The following PYGL variants were observed in gnomAD, a reference collection of about 807,000 sequenced individuals.
The protein encoded by PYGL is glycogen phosphorylase L, also known as glycogen phosphorylase, liver form.
A neutral mutation model predicts 100.1 loss-of-function variants in PYGL; 90 were observed. The ratio of observed to expected loss-of-function variants is 0.90; its 90% CI spans 0.76 to 1.07. PYGL has a LOEUF of 1.07. PYGL is among the 50% of genes least tolerant of loss of function. The pLI is 0.00. For synonymous variants in PYGL, 373 were observed against 393.0 expected (o/e 0.95, Z 0.60); for missense variants, 1,016 against 1,057.6 (o/e 0.96, Z 0.55).
chr14:50,944,353 G>C lies in PYGL; in HGVS notation c.51C>G (p.Arg17=). The C allele has an allele frequency of 6.2e-7, 1 of 1,613,702 alleles. No individual in the cohort carries two copies. Among genetic ancestry groups the C allele is most frequent in the Non-Finnish European group, 8.5e-7 (1 of 1,179,836 alleles). ...CCACGTTCTCCACGCCCACGATGCC[G>C]CGGATGCTGATCTGCCGCCGCTTCT... The part of the protein sequence containing the change: ...DQEKRRQISI[R]GIVGVENVAE... The change falls in exon 1 of 20, where the codon CGC becomes CGG. Residue 17 remains arginine, a synonymous_variant. Coordinates refer to ENST00000216392, the MANE Select transcript of PYGL (RefSeq NM_002863.5).
intron 3 of PYGL, 109 bp from the exon 4 acceptor site, chr14:50,931,885 C>G: frequency 1.2e-6 from 1 of 845,522 alleles, no homozygotes; most frequent in Non-Finnish European, 2.0e-6. Flanking sequence ...TATGAAGAAC[C>G]ACATTTGTAT....
intron 18 of PYGL, 80 bp from the exon 19 acceptor site, chr14:50,908,417 C>T: frequency 7.7e-7 from 1 of 1,305,950 alleles, no homozygotes; most frequent in Non-Finnish European, 1.1e-6. Flanking sequence ...CATGTAAAAT[C>T]ATCTTTTGCT....
rs1430936667 is a variant in PYGL at position 50,912,242 on chromosome 14, G to T, written c.1682C>A (p.Ser561Tyr). The change falls in exon 14 of 20, where the codon TCC becomes TAC. Residue 561 changes from serine (S) to tyrosine (Y), a missense_variant. Coordinates refer to ENST00000216392, the MANE Select transcript of PYGL (RefSeq NM_002863.5). The part of the protein sequence containing the change: ...ETEYKVKINP[S>Y]SMFDVQVKRI... The stretch of plus-strand genomic sequence containing the variant: ...CTTCACCTGGACATCAAACATGGAG[G>T]ATGGGTTGATCTTCACTTTGTACTC... The T allele has an allele frequency of 2.5e-6, 4 of 1,614,000 alleles. No homozygotes were observed. The highest frequency in any genetic ancestry group is 3.4e-6 in the Non-Finnish European group (4 of 1,179,860).
chr14:50,908,559 A>C (rs1021153295), intron 18 of PYGL, among the ~76,000 whole-genome samples: 1 of 152,202 alleles, frequency 6.6e-6, no homozygotes, highest in Non-Finnish European at 1.5e-5. Flanking sequence ...TGGGAATATC[A>C]GTGGAAGGAG....
chr14:50,944,028 C>A, intron 1 of PYGL, 133 bp downstream of exon 1: 1 of 1,238,940 alleles, frequency 8.1e-7, no homozygotes, highest in South Asian at 1.4e-5. Flanking sequence ...CTAGACACGT[C>A]TCCTCTGGAC....
At chr14:50,940,323 T>G (rs906562239) in intron 1 of PYGL, among the ~76,000 whole-genome samples, 3 of 152,254 alleles carry the variant, frequency 2.0e-5, no homozygotes, top group Admixed American at 6.5e-5. Flanking sequence ...ATAGTATATA[T>G]TCCACACTTG....
intron 1 of PYGL, among the ~76,000 whole-genome samples, chr14:50,939,342 T>C (rs908484859): frequency 6.6e-6 from 1 of 152,238 alleles, no homozygotes; most frequent in African/African-American, 2.4e-5. Flanking sequence ...GGCCTACAAT[T>C]AATTTTAGAA....
chr14:50,921,162 C>T (rs2050497527), intron 5 of PYGL, 95 bp from the exon 6 acceptor site: 6 of 978,916 alleles, frequency 6.1e-6, no homozygotes, highest in East Asian at 4.9e-5. Context: ...AATTCTATTC[C>T]TGGCTCCATT....
chr14:50,912,533 G>A, intron 13 of PYGL: 1 of 553,672 alleles, frequency 1.8e-6, no homozygotes, highest in South Asian at 2.0e-5. Context: ...AGTAGAGACG[G>A]GGTTTCATCA....
At chr14:50,912,369 T>C in intron 13 of PYGL, 66 bp from the exon 14 acceptor site, 1 of 1,559,016 alleles carries the variant, frequency 6.4e-7, no homozygotes, top group South Asian at 1.1e-5. Context: ...CTGGTTTTTC[T>C]TTTTTTTGAG....
At chr14:50,924,278 A>G (rs1258708885) in intron 4 of PYGL, among the ~76,000 whole-genome samples, 178 bp from the exon 5 acceptor site, 1 of 152,228 alleles carries the variant, frequency 6.6e-6, no homozygotes, top group Non-Finnish European at 1.5e-5. Context: ...ATACAGCTCT[A>G]AATATTTTAT....
chr14:50,943,516 C>A (rs1029838682), intron 1 of PYGL, among the ~76,000 whole-genome samples: 1 of 152,212 alleles, frequency 6.6e-6, no homozygotes, highest in African/African-American at 2.4e-5. Context: ...GAGTCCAGGG[C>A]ATTGCCTGGC....
chr14:50,913,538 AT>A (rs997046370), intron 12 of PYGL, among the ~76,000 whole-genome samples: 3 of 149,596 alleles, frequency 2.0e-5, no homozygotes. Context: ...CGCCTGGCTA[AT>A]TTTTTTTTGT....
At position 50,944,267 on chromosome 14, in the gene PYGL, A is replaced by G; in HGVS notation, c.137T>C (p.Val46Ala). ...GAAGTAGTAGTCGCGGGTGGTGGCC[A>G]CGTTGCGGTCCTTGACCAGCGTGAA... ...LHFTLVKDRN[V>A]ATTRDYYFAL... The change falls in exon 1 of 20, where the codon GTG becomes GCG. Residue 46 changes from valine (V) to alanine (A), a missense_variant. By Grantham distance (64) the Val-to-Ala change is moderately conservative (BLOSUM62 0). Coordinates refer to ENST00000216392, the MANE Select transcript of PYGL (RefSeq NM_002863.5). The G allele has an allele frequency of 6.2e-7, 1 of 1,613,938 alleles. No individual in the cohort carries two copies. Among genetic ancestry groups the G allele is most frequent in the African/African-American group, 1.3e-5 (1 of 75,058 alleles).
rs191011058 is a variant in PYGL at position 50,936,515 on chromosome 14, A to C, written c.345+1221T>G. ...TTTTAAATTCTAAAAACGTAAGTCT[A>C]AAGCATGATATAGGCTGGCACGGTG... On this transcript the variant is annotated intron_variant, in intron 2 of 19. Transcript: ENST00000216392. 4.3e-4 allele frequency among the ~76,000 whole-genome samples: 66 copies of C among 152,368 alleles called. 1 individual carries two copies. Among genetic ancestry groups the C allele is most frequent in the Middle Eastern group, 6.8e-3 (2 of 294 alleles).
intron 2 of PYGL, 136 bp from the exon 3 acceptor site, chr14:50,935,321 C>T (rs2050645207): frequency 1.3e-6 from 1 of 744,114 alleles, no homozygotes; most frequent in Non-Finnish European, 2.4e-6. Context: ...TCCCTTGCAG[C>T]TTGTTCTGGC....
intron 16 of PYGL, among the ~76,000 whole-genome samples, 158 bp from the exon 17 acceptor site, chr14:50,910,260 C>T (rs2050380784): frequency 1.3e-5 from 2 of 152,176 alleles, no homozygotes; most frequent in Admixed American, 6.5e-5. Flanking sequence ...CACACTCTTT[C>T]CCCTTGACTC....
At chr14:50,911,511 G>C (rs1252194971) in intron 16 of PYGL, among the ~76,000 whole-genome samples, 1 of 152,184 alleles carries the variant, frequency 6.6e-6, no homozygotes, top group Non-Finnish European at 1.5e-5. Flanking sequence ...GGAAGAAAAT[G>C]TACTTGCAAG....
At chr14:50,924,650 T>A (rs1336237242) in intron 4 of PYGL, among the ~76,000 whole-genome samples, 1 of 152,236 alleles carries the variant, frequency 6.6e-6, no homozygotes, top group Non-Finnish European at 1.5e-5. Context: ...CATTATTGCA[T>A]TATGTAGTCT....
Sources: allele counts gnomAD v4.1 joint callset (sites outside exome capture counted in the v4.1 genomes callset), GRCh38; gene constraint gnomAD v4.1.1; transcripts MANE v1.5; gene names NCBI Gene and HGNC (gene_info 2026-07-23, HGNC 2026-07-21).